The following NRG3 variants were observed in gnomAD, a reference collection of about 807,000 sequenced individuals.
NRG3 encodes the protein neuregulin 3, also known as pro-neuregulin-3, membrane-bound isoform.
A neutral mutation model predicts 66.9 loss-of-function variants in NRG3; 31 were observed. The observed-to-expected ratio is 0.46, with a 90% CI of 0.35 to 0.63. The LOEUF is 0.63. Among genes scored for constraint, NRG3 ranks in the 20% least tolerant of loss-of-function variants. NRG3 has a pLI of 0.00. For synonymous variants in NRG3, 393 were observed against 359.4 expected (o/e 1.09, Z -1.06); for missense variants, 910 against 878.9 (o/e 1.04, Z -0.45).
chr10:82,808,841 C>T (rs1339843940), intron 3 of NRG3, among the ~76,000 whole-genome samples: 11 of 152,090 alleles, frequency 7.2e-5, no homozygotes, highest in African/African-American at 2.4e-4. Context: ...TATGATTAAA[C>T]CCACATATAA....
chr10:82,428,200 A>G (rs2089571529), intron 2 of NRG3, among the ~76,000 whole-genome samples: 1 of 151,502 alleles, frequency 6.6e-6, no homozygotes, highest in Admixed American at 6.6e-5. Context: ...ATTTTTTCCA[A>G]TCTAATCTTT....
At chr10:82,286,169 T>A (rs866737164) in intron 1 of NRG3, among the ~76,000 whole-genome samples, 28 of 152,106 alleles carry the variant, frequency 1.8e-4, no homozygotes, top group Admixed American at 6.5e-5. Flanking sequence ...TCTAAGAAAT[T>A]GTGCTAAAAA....
intron 1 of NRG3, among the ~76,000 whole-genome samples, chr10:82,081,040 T>TTTTTG (rs140499189): frequency 6.6e-6 from 1 of 152,130 alleles, no homozygotes; most frequent in Non-Finnish European, 1.5e-5. Context: ...TGCAATATTA[T>TTTTTG]TTTTGTTTTG....
rs143135264 is a variant in NRG3 at position 82,132,762 on chromosome 10, G to A, written c.824-225977G>A. On this transcript the variant is annotated intron_variant, in intron 1 of 8. Transcript: ENST00000372141. ...GCTTTGATCTCATTACTTGTTATTC[G>A]TCTATTCAGGTTTTGGATTTCTTCA... Among the ~76,000 whole-genome samples the A allele has an allele frequency of 7.4e-3, 1,111 of 150,986 alleles. 11 individuals are homozygous for A. The highest frequency in any genetic ancestry group is 0.025 in the African/African-American group (1,047 of 41,256).
chr10:82,593,318 C>T (rs1329427889), intron 2 of NRG3, among the ~76,000 whole-genome samples: 3 of 152,090 alleles, frequency 2.0e-5, no homozygotes, highest in Non-Finnish European at 4.4e-5. Flanking sequence ...CACTGTTGGT[C>T]AGGAATGTGA....
intron 2 of NRG3, among the ~76,000 whole-genome samples, chr10:82,598,275 T>C (rs2047406788): frequency 6.6e-6 from 1 of 152,226 alleles, no homozygotes; most frequent in Non-Finnish European, 1.5e-5. Flanking sequence ...TCAGAGAATA[T>C]AGATGTCAAT....
chr10:82,263,958 T>C lies in NRG3; in HGVS notation c.824-94781T>C, dbSNP rs2078165954. On this transcript the variant is annotated intron_variant, in intron 1 of 8. Transcript: ENST00000372141. ...GAGTGGCAGAATAAATGAGTCAAAG[T>C]TAACTCAGAGGGGCTTTGTTTATTT... is the stretch of plus-strand genomic sequence containing the variant. Among the ~76,000 whole-genome samples, 7 of 152,186 alleles carry C rather than the reference T, an allele frequency of 4.6e-5. No homozygotes were observed. In the South Asian group the frequency reaches 1.4e-3, roughly 31 times the overall value.
rs1051006210 is a variant in NRG3, at chr10:82,012,936, G to A, written c.823+136773G>A. On this transcript the variant is annotated intron_variant, in intron 1 of 8. Transcript: ENST00000372141. ...GTTTTAAACCTTCCCACATTTTTCT[G>A]TCTTCTTCTGAGCCAACTAAACTGT... Among the ~76,000 whole-genome samples, 7 of 152,096 alleles carry A rather than the reference G, an allele frequency of 4.6e-5. No individual in the cohort carries two copies. In the South Asian group the frequency reaches 8.3e-4, roughly 18 times the overall value.
At chr10:82,545,682 C>T (rs1474411693) in intron 2 of NRG3, among the ~76,000 whole-genome samples, 1 of 150,184 alleles carries the variant, frequency 6.7e-6, no homozygotes, top group Non-Finnish European at 1.5e-5. Flanking sequence ...TGCCCAGCCG[C>T]CAATAACACT....
chr10:82,757,043 T>G (rs1036532017), intron 3 of NRG3, among the ~76,000 whole-genome samples: 1 of 152,036 alleles, frequency 6.6e-6, no homozygotes, highest in African/African-American at 2.4e-5. Flanking sequence ...TTTCCTCTCT[T>G]CCTAAACAGA....
intron 3 of NRG3, among the ~76,000 whole-genome samples, chr10:82,759,887 G>T (rs2059233541): frequency 6.6e-6 from 1 of 152,088 alleles, no homozygotes; most frequent in Non-Finnish European, 1.5e-5. Flanking sequence ...AGGAAGGATG[G>T]TAGGTAACAG....
intron 1 of NRG3, among the ~76,000 whole-genome samples, chr10:82,068,999 G>A (rs931185359): frequency 2.0e-5 from 3 of 152,208 alleles, no homozygotes; most frequent in Admixed American, 2.0e-4. Flanking sequence ...CATGTCCACA[G>A]AAGGGTTTAA....
chr10:82,596,679 T>C (rs578068960), intron 2 of NRG3, among the ~76,000 whole-genome samples: 2 of 152,282 alleles, frequency 1.3e-5, no homozygotes, highest in African/African-American at 4.8e-5. Flanking sequence ...AGAAATAATT[T>C]CACTTCTCCT....
intron 2 of NRG3, among the ~76,000 whole-genome samples, chr10:82,698,391 C>T (rs2055567378): frequency 6.6e-6 from 1 of 152,064 alleles, no homozygotes; most frequent in Non-Finnish European, 1.5e-5. Context: ...ACCTTGGAAT[C>T]TTAACAGGGG....
intron 3 of NRG3, among the ~76,000 whole-genome samples, chr10:82,769,346 T>C (rs1040783298): frequency 2.6e-5 from 4 of 152,110 alleles, no homozygotes; most frequent in African/African-American, 9.7e-5. Flanking sequence ...TTGACTGATA[T>C]CTTGAGAAAA....
intron 1 of NRG3, among the ~76,000 whole-genome samples, chr10:82,080,110 C>T (rs150916666): frequency 5.9e-4 from 90 of 152,204 alleles, no homozygotes; most frequent in African/African-American, 2.2e-3. Context: ...ATGGACTTTG[C>T]GTGGGCCTGA....
intron 1 of NRG3, among the ~76,000 whole-genome samples, chr10:81,995,585 G>A (rs909971044): frequency 2.6e-5 from 4 of 152,204 alleles, no homozygotes; most frequent in African/African-American, 9.6e-5. Flanking sequence ...TGATGGAAAA[G>A]GCTCCCTTGA....
At chr10:81,958,721 C>T (rs2133254768) in intron 1 of NRG3, among the ~76,000 whole-genome samples, 1 of 152,200 alleles carries the variant, frequency 6.6e-6, no homozygotes, top group Non-Finnish European at 1.5e-5. Flanking sequence ...GAAATCCTGT[C>T]TGTACTAAAA....
At chr10:82,775,277 A>C (rs772090344) in intron 3 of NRG3, among the ~76,000 whole-genome samples, 1 of 149,470 alleles carries the variant, frequency 6.7e-6, no homozygotes, top group Non-Finnish European at 1.5e-5. Flanking sequence ...TGCTTTTGCT[A>C]TATCCCATAG....
Sources: allele counts gnomAD v4.1 joint callset (sites outside exome capture counted in the v4.1 genomes callset), GRCh38; gene constraint gnomAD v4.1.1; transcripts MANE v1.5; gene names NCBI Gene and HGNC (gene_info 2026-07-23, HGNC 2026-07-21).